PTPRD: variants seen among roughly 807,000 people sequenced by gnomAD.
PTPRD encodes the protein receptor-type tyrosine-protein phosphatase delta.
PTPRD carries 34 observed loss-of-function variants against 214.5 expected under a neutral mutation model. That is an observed-to-expected ratio of 0.16 (90% CI 0.12 to 0.21). The LOEUF (loss-of-function observed/expected upper bound fraction) is 0.21. Among genes scored for constraint, PTPRD ranks in the 10% least tolerant of loss-of-function variants. The pLI is 1.00. For synonymous variants in PTPRD, 1,128 were observed against 845.7 expected (o/e 1.33, Z -5.79); for missense variants, 2,545 against 2,398.7 (o/e 1.06, Z -1.27).
intron 7 of PTPRD, among the ~76,000 whole-genome samples, chr9:9,642,598 T>C (rs2096004465): frequency 1.3e-5 from 2 of 152,116 alleles, no homozygotes; most frequent in Non-Finnish European, 1.5e-5. Flanking sequence ...CCAATTCATC[T>C]TGATTTTGTT....
intron 9 of PTPRD, among the ~76,000 whole-genome samples, chr9:9,347,458 T>A (rs2049301339): frequency 2.0e-5 from 3 of 152,078 alleles, no homozygotes; most frequent in Admixed American, 2.0e-4. Flanking sequence ...GTTATGTTTT[T>A]ATTTTCCTTT....
chr9:8,740,152 T>C (rs1042916778), intron 11 of PTPRD, among the ~76,000 whole-genome samples: 3 of 152,114 alleles, frequency 2.0e-5, no homozygotes, highest in African/African-American at 7.2e-5. Context: ...CAAACTACCC[T>C]GAACACGCCC....
chr9:9,976,674 A>G (rs2095364052), intron 4 of PTPRD, among the ~76,000 whole-genome samples: 1 of 117,334 alleles, frequency 8.5e-6, no homozygotes, highest in African/African-American at 3.4e-5. Context: ...GGTGTGAGCC[A>G]CTACACCCTG....
chr9:8,472,366 T>G (rs992831493), intron 30 of PTPRD, among the ~76,000 whole-genome samples: 5 of 152,176 alleles, frequency 3.3e-5, no homozygotes, highest in African/African-American at 4.8e-5. Context: ...CCCAACCCTG[T>G]GTCACACTGA....
At chr9:9,208,181 A>AT (rs1268445162) in intron 9 of PTPRD, among the ~76,000 whole-genome samples, 2 of 151,384 alleles carry the variant, frequency 1.3e-5, no homozygotes, top group East Asian at 2.0e-4. Context: ...CGCCCGGCTA[A>AT]TTTTTTGTAG....
intron 10 of PTPRD, among the ~76,000 whole-genome samples, chr9:9,099,972 T>C (rs1381587585): frequency 3.3e-5 from 5 of 152,308 alleles, no homozygotes; most frequent in South Asian, 2.1e-4. Flanking sequence ...GACGTTAATA[T>C]GCAATGGTCT....
intron 8 of PTPRD, among the ~76,000 whole-genome samples, chr9:9,444,455 T>A (rs1318500893): frequency 6.6e-6 from 1 of 152,212 alleles, no homozygotes; most frequent in Non-Finnish European, 1.5e-5. Context: ...TTCTGTGATA[T>A]TGTGCCTAGC....
intron 9 of PTPRD, among the ~76,000 whole-genome samples, chr9:9,240,806 G>C (rs1321826614): frequency 1.3e-5 from 2 of 152,054 alleles, no homozygotes; most frequent in Non-Finnish European, 2.9e-5. Flanking sequence ...TTATGCCACA[G>C]AAACAACCAA....
intron 2 of PTPRD, among the ~76,000 whole-genome samples, chr9:10,564,283 G>T (rs1021227627): frequency 7.1e-6 from 1 of 141,582 alleles, no homozygotes; most frequent in Non-Finnish European, 1.5e-5. Context: ...CCAAATTGCT[G>T]GGATTACAGG....
At chr9:9,579,881 G>A (rs143157766) in intron 7 of PTPRD, among the ~76,000 whole-genome samples, 39 of 152,016 alleles carry the variant, frequency 2.6e-4, no homozygotes, top group African/African-American at 8.4e-4. Flanking sequence ...AGTTTCCATT[G>A]TCAATCAACC....
intron 14 of PTPRD, among the ~76,000 whole-genome samples, chr9:8,531,985 C>G (rs1427499356): frequency 6.6e-6 from 1 of 151,966 alleles, no homozygotes; most frequent in Non-Finnish European, 1.5e-5. Context: ...CTCCAGAGCC[C>G]CCTTTTCATA....
intron 2 of PTPRD, among the ~76,000 whole-genome samples, chr9:10,570,705 T>C (rs965996079): frequency 9.2e-5 from 14 of 152,056 alleles, no homozygotes; most frequent in African/African-American, 3.1e-4. Context: ...TGCCTGAAAA[T>C]TTACAAATGC....
chr9:10,596,277 C>T (rs12685839), intron 2 of PTPRD, among the ~76,000 whole-genome samples: 39,899 of 151,342 alleles, frequency 0.26, 5,677 homozygotes, highest in East Asian at 0.48. Flanking sequence ...TTACATTGAA[C>T]ACACAAAAAG....
At chr9:8,881,514 G>A (rs955884482) in intron 11 of PTPRD, among the ~76,000 whole-genome samples, 1 of 152,078 alleles carries the variant, frequency 6.6e-6, no homozygotes, top group Non-Finnish European at 1.5e-5. Context: ...TAATGGAAGG[G>A]GTTTACTATA....
intron 3 of PTPRD, among the ~76,000 whole-genome samples, chr9:10,109,967 AG>A (rs1185187482): frequency 6.6e-6 from 1 of 150,480 alleles, no homozygotes; most frequent in Non-Finnish European, 1.5e-5. Flanking sequence ...TATGCCAAAA[AG>A]AAAAAAAAAA....
chr9:9,887,674 A>T (rs1030975877), intron 5 of PTPRD, among the ~76,000 whole-genome samples: 17 of 152,164 alleles, frequency 1.1e-4, no homozygotes, highest in Non-Finnish European at 2.4e-4. Flanking sequence ...AACAGTTTCT[A>T]GTGAAAGACC....
intron 3 of PTPRD, among the ~76,000 whole-genome samples, chr9:10,054,935 C>T (rs1383228492): frequency 6.6e-6 from 1 of 151,934 alleles, no homozygotes; most frequent in South Asian, 2.1e-4. Context: ...TAGGTTTAGA[C>T]GATGTCATGA....
rs940146906 is a variant in PTPRD at position 9,817,254 on chromosome 9, G to A, written c.-367-50403C>T. Among the ~76,000 whole-genome samples, 4 of 152,100 alleles carry A rather than the reference G, an allele frequency of 2.6e-5. No individual in the cohort carries two copies. The South Asian group carries it at 6.2e-4, about 24-fold the overall frequency. On this transcript the variant is annotated intron_variant, in intron 5 of 45. Coordinates refer to ENST00000381196, the MANE Select transcript of PTPRD (RefSeq NM_002839.4). The stretch of plus-strand genomic sequence containing the variant: ...AAATCTTTTAACAACTAACTACAAC[G>A]ATTAGGGACTACTGTAAACCAGACT...
intron 9 of PTPRD, among the ~76,000 whole-genome samples, chr9:9,248,841 G>A (rs1178496863): frequency 6.6e-6 from 1 of 152,044 alleles, no homozygotes; most frequent in African/African-American, 2.4e-5. Flanking sequence ...ACATAAGCAA[G>A]TAAAGTAGCT....
Sources: allele counts gnomAD v4.1 joint callset (sites outside exome capture counted in the v4.1 genomes callset), GRCh38; gene constraint gnomAD v4.1.1; transcripts MANE v1.5; gene names NCBI Gene and HGNC (gene_info 2026-07-23, HGNC 2026-07-21).